The following CFDP1 variants were observed in gnomAD, a reference collection of about 807,000 sequenced individuals.
CFDP1 encodes the protein heterochromatin-stabilizing protein CFDP1.
CFDP1 carries 31 observed loss-of-function variants against 40.1 expected under a neutral mutation model. The observed-to-expected ratio is 0.77, with a 90% CI of 0.58 to 1.04. The LOEUF (loss-of-function observed/expected upper bound fraction) is 1.04. Among genes scored for constraint, CFDP1 ranks in the 50% least tolerant of loss-of-function variants. CFDP1 has a pLI of 0.00. For synonymous variants in CFDP1, 167 were observed against 120.0 expected (o/e 1.39, Z -2.56); for missense variants, 423 against 343.4 (o/e 1.23, Z -1.83).
chr16:75,332,191 G>A (rs7200616), intron 5 of CFDP1, among the ~76,000 whole-genome samples: 75,534 of 151,978 alleles, frequency 0.5, 20,266 homozygotes, highest in Admixed American at 0.63. Context: ...TAGGCCAGGT[G>A]CGGTGGCTCA....
chr16:75,390,348 C>T (rs1048655248), intron 5 of CFDP1, among the ~76,000 whole-genome samples: 6 of 152,238 alleles, frequency 3.9e-5, no homozygotes, highest in African/African-American at 7.2e-5. Flanking sequence ...CCCTTGCTGG[C>T]CTGCACAGCG....
rs138560514 is a variant in CFDP1, at chr16:75,419,882, T to C, written c.65-5187A>G. On this transcript the variant is annotated intron_variant, in intron 1 of 6. Transcript: ENST00000283882. ...GGCAACCAGCAGCCCTTGGGTCTGC[T>C]CTGTCTATGGAGTAGACATTCTTTA... Among the ~76,000 whole-genome samples the C allele has an allele frequency of 5.3e-3, 809 of 152,268 alleles. 8 individuals are homozygous for C. Among genetic ancestry groups the C allele is most frequent in the African/African-American group, 0.019 (785 of 41,556 alleles).
intron 5 of CFDP1, among the ~76,000 whole-genome samples, chr16:75,364,176 CCTTT>C (rs1447132610): frequency 1.3e-5 from 2 of 152,004 alleles, no homozygotes; most frequent in Non-Finnish European, 2.9e-5. Flanking sequence ...ACTTTAAGCA[CCTTT>C]CTGCCAGAAA....
At chr16:75,394,857 T>C in intron 5 of CFDP1, 1 of 371,806 alleles carries the variant, frequency 2.7e-6, no homozygotes, top group South Asian at 3.0e-5. Context: ...GACAGGGTCT[T>C]ACTGTATTGC....
chr16:75,415,209 A>G (rs941131731), intron 1 of CFDP1, among the ~76,000 whole-genome samples: 6 of 152,236 alleles, frequency 3.9e-5, no homozygotes, highest in African/African-American at 1.4e-4. Context: ...GAAAGAACAA[A>G]CACACCCATG....
intron 5 of CFDP1, among the ~76,000 whole-genome samples, chr16:75,383,199 T>C (rs906358296): frequency 2.0e-5 from 3 of 152,192 alleles, no homozygotes; most frequent in African/African-American, 4.8e-5. Context: ...TAACTGAGTA[T>C]AGTTAAGTGC....
chr16:75,426,120 G>A (rs2079340424), intron 1 of CFDP1, among the ~76,000 whole-genome samples: 1 of 151,322 alleles, frequency 6.6e-6, no homozygotes, highest in Non-Finnish European at 1.5e-5. Flanking sequence ...GGAGGCCGAG[G>A]TGGGCGGATC....
At chr16:75,331,833 A>AC (rs2078448027) in intron 5 of CFDP1, among the ~76,000 whole-genome samples, 1 of 152,210 alleles carries the variant, frequency 6.6e-6, no homozygotes, top group Admixed American at 6.5e-5. Flanking sequence ...ATGAAAACTT[A>AC]GAATTGCTGG....
intron 5 of CFDP1, among the ~76,000 whole-genome samples, chr16:75,371,980 A>G (rs1040630069): frequency 3.9e-5 from 6 of 152,212 alleles, no homozygotes; most frequent in Non-Finnish European, 5.9e-5. Context: ...CAGGAACTGT[A>G]GTGACACCTT....
intron 5 of CFDP1, among the ~76,000 whole-genome samples, chr16:75,322,694 C>G (rs753673879): frequency 1.4e-4 from 21 of 151,708 alleles, no homozygotes; most frequent in Non-Finnish European, 2.8e-4. Flanking sequence ...ACATGACACT[C>G]AAAGGAGCAT....
chr16:75,308,673 C>T (rs1434481566), intron 5 of CFDP1, among the ~76,000 whole-genome samples: 1 of 152,144 alleles, frequency 6.6e-6, no homozygotes, highest in Non-Finnish European at 1.5e-5. Context: ...GGGAACAATT[C>T]ACTTTTATTC....
chr16:75,313,739 A>G (rs2078308609), intron 5 of CFDP1, among the ~76,000 whole-genome samples: 1 of 152,066 alleles, frequency 6.6e-6, no homozygotes, highest in Non-Finnish European at 1.5e-5. Flanking sequence ...AATATCATCA[A>G]GCTGTCTTCT....
chr16:75,321,533 C>A (rs935560452), intron 5 of CFDP1, among the ~76,000 whole-genome samples: 8 of 152,294 alleles, frequency 5.3e-5, no homozygotes, highest in African/African-American at 1.9e-4. Context: ...GCTTGTCCAA[C>A]CTGCCTTATT....
chr16:75,324,304 G>A (rs2078388336), intron 5 of CFDP1, among the ~76,000 whole-genome samples: 1 of 152,134 alleles, frequency 6.6e-6, no homozygotes. Flanking sequence ...TCCACAACGA[G>A]GCAACAGGCA....
chr16:75,417,444 T>C lies in CFDP1; in HGVS notation c.65-2749A>G, dbSNP rs555453569. ...TTTACCTCCAAGATATACTCTTAAGTTAAACAGAAAAAAAAGGAGAGGAAA... is the reference window on the plus strand; with the variant it reads ...TTTACCTCCAAGATATACTCTTAAGCTAAACAGAAAAAAAAGGAGAGGAAA... On this transcript the variant is annotated intron_variant, in intron 1 of 6. Transcript: ENST00000283882. Among the ~76,000 whole-genome samples, 12 of 152,142 alleles carry C rather than the reference T, an allele frequency of 7.9e-5. No individual in the cohort carries two copies. The South Asian group carries it at 2.5e-3, about 32-fold the overall frequency.
At chr16:75,392,429 C>A (rs369860566) in intron 5 of CFDP1, among the ~76,000 whole-genome samples, 4 of 150,958 alleles carry the variant, frequency 2.6e-5, no homozygotes, top group Non-Finnish European at 3.0e-5. Context: ...AACAAAGCAA[C>A]AAAAAAAAAC....
intron 3 of CFDP1, 102 bp from the exon 4 acceptor site, chr16:75,412,054 A>T: frequency 8.0e-7 from 1 of 1,243,590 alleles, no homozygotes; most frequent in Non-Finnish European, 1.1e-6. Context: ...CTCACTCTGT[A>T]GCCCAAGCTG....
chr16:75,333,863 C>T (rs2078465816), intron 5 of CFDP1, among the ~76,000 whole-genome samples: 1 of 152,146 alleles, frequency 6.6e-6, no homozygotes, highest in Non-Finnish European at 1.5e-5. Context: ...TTTAAGACAG[C>T]CCATTACTTT....
chr16:75,429,025 G>GA (rs35624155), intron 1 of CFDP1, among the ~76,000 whole-genome samples: 78,382 of 151,670 alleles, frequency 0.52, 21,319 homozygotes, highest in Admixed American at 0.64. Context: ...GCTGAGGTGG[G>GA]AGAGTTGCTT....
Sources: gnomAD v4.1 joint callset for allele counts (sites outside exome capture counted in the v4.1 genomes callset) on GRCh38, gnomAD v4.1.1 for gene constraint, MANE v1.5 for transcripts, NCBI Gene and HGNC (gene_info 2026-07-23, HGNC 2026-07-21) for gene names.